The following CTIF variants were observed in gnomAD, a reference collection of about 807,000 sequenced individuals.
The protein encoded by CTIF is cap binding complex dependent translation initiation factor.
A neutral mutation model predicts 66.0 loss-of-function variants in CTIF; 21 were observed. The ratio of observed to expected loss-of-function variants is 0.32; its 90% CI spans 0.23 to 0.46. The LOEUF (loss-of-function observed/expected upper bound fraction) is 0.46. CTIF is among the 20% of genes least tolerant of loss of function. CTIF has a pLI of 1.00. For synonymous variants in CTIF, 345 were observed against 326.4 expected, an observed-to-expected ratio of 1.06 and a Z score of -0.62; for missense variants, 739 against 812.7, an observed-to-expected ratio of 0.91 and a Z score of 1.10.
At chr18:48,707,486 G>A (rs2092171938) in intron 6 of CTIF, among the ~76,000 whole-genome samples, 1 of 152,040 alleles carries the variant, frequency 6.6e-6, no homozygotes, top group African/African-American at 2.4e-5. Context: ...ATTAACTGGT[G>A]GGGGGCACTT....
chr18:48,579,603 C>T (rs1437705390), intron 1 of CTIF, among the ~76,000 whole-genome samples: 2 of 152,238 alleles, frequency 1.3e-5, no homozygotes, highest in Non-Finnish European at 2.9e-5. Flanking sequence ...CACACACACA[C>T]ATCTGCTAGC....
intron 10 of CTIF, among the ~76,000 whole-genome samples, chr18:48,856,852 G>A (rs1331928495): frequency 6.6e-6 from 1 of 152,176 alleles, no homozygotes; most frequent in Non-Finnish European, 1.5e-5. Flanking sequence ...CAATTCTGGG[G>A]ATATCCTAAA....
At chr18:48,716,628 C>T (rs1416673691) in intron 7 of CTIF, among the ~76,000 whole-genome samples, 7 of 152,144 alleles carry the variant, frequency 4.6e-5, no homozygotes, top group Non-Finnish European at 8.8e-5. Context: ...CGGCCACCAC[C>T]CCCAATTGAA....
chr18:48,730,130 A>G (rs1275289147), intron 7 of CTIF, among the ~76,000 whole-genome samples: 1 of 152,126 alleles, frequency 6.6e-6, no homozygotes, highest in Non-Finnish European at 1.5e-5. Flanking sequence ...CTGCAGTCAT[A>G]TTGGCCACAT....
chr18:48,755,951 C>T (rs897288018), intron 7 of CTIF: 11 of 152,356 alleles, frequency 7.2e-5, no homozygotes, highest in Non-Finnish European at 1.3e-4. Context: ...GAATGACACA[C>T]TGGTGAGTTC....
chr18:48,684,952 GACATTT>G (rs1598866586), intron 6 of CTIF, among the ~76,000 whole-genome samples: 3 of 151,676 alleles, frequency 2.0e-5, no homozygotes, highest in Admixed American at 1.3e-4. Context: ...ATAACCTGTA[GACATTT>G]ACATTTTGTT....
intron 6 of CTIF, among the ~76,000 whole-genome samples, chr18:48,702,950 G>A (rs2092103216): frequency 6.6e-6 from 1 of 152,056 alleles, no homozygotes; most frequent in South Asian, 2.1e-4. Flanking sequence ...CCCAGCAGGA[G>A]GAAGCCTCTG....
At chr18:48,671,679 T>C (rs1297210780) in intron 6 of CTIF, among the ~76,000 whole-genome samples, 1 of 152,004 alleles carries the variant, frequency 6.6e-6, no homozygotes, top group Non-Finnish European at 1.5e-5. Flanking sequence ...TGTAGGTTTA[T>C]AGTTTCATCA....
intron 3 of CTIF, among the ~76,000 whole-genome samples, chr18:48,658,372 G>C (rs299754): frequency 0.12 from 18,610 of 152,000 alleles, 1,325 homozygotes; most frequent in African/African-American, 0.19. Context: ...TATAGTTGTA[G>C]TATACATGTA....
chr18:48,757,530 G>T (rs781196074), intron 7 of CTIF, among the ~76,000 whole-genome samples: 11 of 152,222 alleles, frequency 7.2e-5, no homozygotes, highest in Non-Finnish European at 1.6e-4. Context: ...ATGTCTGGAA[G>T]ATTCACACAC....
At chr18:48,615,888 C>A (rs968252858) in intron 1 of CTIF, among the ~76,000 whole-genome samples, 2 of 152,220 alleles carry the variant, frequency 1.3e-5, no homozygotes, top group African/African-American at 4.8e-5. Flanking sequence ...AAGAGGCACC[C>A]GCAGAGCGAG....
intron 6 of CTIF, chr18:48,683,297 C>T (rs572588194): frequency 2.0e-5 from 3 of 151,736 alleles, no homozygotes; most frequent in Admixed American, 6.5e-5. Flanking sequence ...GTGGTTGTGT[C>T]CAGAAAACAA....
At chr18:48,610,120 A>T (rs2090278933) in intron 1 of CTIF, among the ~76,000 whole-genome samples, 1 of 152,178 alleles carries the variant, frequency 6.6e-6, no homozygotes, top group African/African-American at 2.4e-5. Flanking sequence ...CAGGTGTAGG[A>T]TGGAGCAGGG....
At chr18:48,828,863 C>A (rs1478461917) in intron 10 of CTIF, among the ~76,000 whole-genome samples, 2 of 152,340 alleles carry the variant, frequency 1.3e-5, no homozygotes, top group South Asian at 2.1e-4. Flanking sequence ...CCTTCCCAGC[C>A]CCCAGCCCCG....
chr18:48,646,801 C>T (rs1009929468), intron 3 of CTIF, among the ~76,000 whole-genome samples: 9 of 147,886 alleles, frequency 6.1e-5, no homozygotes, highest in East Asian at 2.0e-4. Context: ...TAAATGACAG[C>T]GTCCAATGCT....
At chr18:48,650,913 G>T (rs568604608) in intron 3 of CTIF, among the ~76,000 whole-genome samples, 1 of 152,102 alleles carries the variant, frequency 6.6e-6, no homozygotes, top group African/African-American at 2.4e-5. Context: ...AAGAGAAGGA[G>T]AAATAAAACC....
chr18:48,541,283 C>T (rs2088611194), intron 1 of CTIF, among the ~76,000 whole-genome samples: 1 of 152,156 alleles, frequency 6.6e-6, no homozygotes, highest in African/African-American at 2.4e-5. Flanking sequence ...GATTATCCCC[C>T]AGTCCAGGGG....
intron 7 of CTIF, among the ~76,000 whole-genome samples, chr18:48,750,472 C>T (rs1347336111): frequency 1.3e-5 from 2 of 152,268 alleles, no homozygotes; most frequent in African/African-American, 4.8e-5. Flanking sequence ...ACGCTTTCCT[C>T]CCTTCCCCAC....
intron 2 of CTIF, chr18:48,625,198 C>T (rs73443361): frequency 0.042 from 40,818 of 982,580 alleles, 963 homozygotes; most frequent in South Asian, 0.073. Context: ...GGAGGAAGTA[C>T]TCAATGGTGG....
Sources: gnomAD v4.1 joint callset for allele counts (sites outside exome capture counted in the v4.1 genomes callset) on GRCh38, gnomAD v4.1.1 for gene constraint, MANE v1.5 for transcripts, NCBI Gene and HGNC (gene_info 2026-07-23, HGNC 2026-07-21) for gene names.